CTIF: variants seen among roughly 807,000 people sequenced by gnomAD.
CTIF encodes cap binding complex dependent translation initiation factor.
In CTIF, 21 loss-of-function variants were observed where a neutral mutation model predicts 66.0. That is an observed-to-expected ratio of 0.32 (90% confidence interval 0.23 to 0.46). The LOEUF (loss-of-function observed/expected upper bound fraction) is 0.46, where lower values mean the gene tolerates loss of function less well. Among genes scored for constraint, CTIF ranks in the 20% least tolerant of loss-of-function variants. The probability of loss-of-function intolerance (pLI) is 1.00; values close to 1 mark genes in which losing one functional copy is unlikely to be tolerated. For missense variants in CTIF, 739 were observed against 812.7 expected (o/e 0.91, Z 1.10); for synonymous variants, 345 against 326.4 (o/e 1.06, Z -0.62).
chr18:48,548,871 C>T (rs2088817845), intron 1 of CTIF, among the ~76,000 whole-genome samples: 2 of 152,210 alleles, frequency 1.3e-5, no homozygotes. Context: ...CCCTGCTGCC[C>T]ATCTGCCCAT....
chr18:48,549,119 A>G (rs957315241), intron 1 of CTIF, among the ~76,000 whole-genome samples: 2 of 152,206 alleles, frequency 1.3e-5, no homozygotes, highest in African/African-American at 4.8e-5. Flanking sequence ...CACTATTATC[A>G]GACACTGTTA....
At chr18:48,730,694 TGAGGTGTGAGGG>T (rs2092446618) in intron 7 of CTIF, among the ~76,000 whole-genome samples, 2 of 44,082 alleles carry the variant, frequency 4.5e-5, no homozygotes, top group Admixed American at 2.5e-4. Context: ...GAGGAGCCCC[TGAGGTGTGAGGG>T]GCTTCCGCGG....
intron 9 of CTIF, among the ~76,000 whole-genome samples, chr18:48,812,095 T>G (rs796087411): frequency 1.1e-4 from 16 of 152,284 alleles, no homozygotes; most frequent in African/African-American, 3.9e-4. Context: ...CCCGAGTAGC[T>G]TGGATTACAG....
At chr18:48,603,761 C>T (rs2090150984) in intron 1 of CTIF, among the ~76,000 whole-genome samples, 1 of 151,918 alleles carries the variant, frequency 6.6e-6, no homozygotes, top group Admixed American at 6.6e-5. Flanking sequence ...CCATGAGATG[C>T]ATCCTCATCT....
chr18:48,770,639 G>A (rs1263005285), intron 9 of CTIF, among the ~76,000 whole-genome samples: 3 of 152,342 alleles, frequency 2.0e-5, no homozygotes, highest in Non-Finnish European at 2.9e-5. Flanking sequence ...GGTGTGGGTC[G>A]TGCCCCCGAA....
intron 10 of CTIF, among the ~76,000 whole-genome samples, chr18:48,853,958 G>A (rs555788510): frequency 5.9e-5 from 9 of 152,306 alleles, no homozygotes; most frequent in Non-Finnish European, 8.8e-5. Flanking sequence ...CCAGCTCTCC[G>A]TGAGTAAATG....
intron 1 of CTIF, among the ~76,000 whole-genome samples, chr18:48,616,459 C>T (rs2090401988): frequency 1.3e-5 from 2 of 152,164 alleles, no homozygotes; most frequent in African/African-American, 4.8e-5. Flanking sequence ...TGGAGGTGGC[C>T]TGAGGGACTG....
chr18:48,582,673 T>C (rs1010635686), intron 1 of CTIF, among the ~76,000 whole-genome samples: 7 of 151,718 alleles, frequency 4.6e-5, no homozygotes, highest in African/African-American at 1.7e-4. Flanking sequence ...GTGGTGGGAG[T>C]GCTTGCGGTA....
intron 10 of CTIF, among the ~76,000 whole-genome samples, chr18:48,821,714 T>G (rs770699100): frequency 1.3e-5 from 2 of 152,256 alleles, no homozygotes; most frequent in Non-Finnish European, 2.9e-5. Context: ...TTGAAGAAGA[T>G]TATTGGTCAT....
intron 6 of CTIF, among the ~76,000 whole-genome samples, chr18:48,709,747 G>A (rs2092203045): frequency 6.6e-6 from 1 of 152,194 alleles, no homozygotes; most frequent in South Asian, 2.1e-4. Flanking sequence ...TTCCTTATTT[G>A]TGTTTTGTAT....
At chr18:48,841,286 C>G (rs1358806448) in intron 10 of CTIF, among the ~76,000 whole-genome samples, 1 of 152,162 alleles carries the variant, frequency 6.6e-6, no homozygotes. Flanking sequence ...CTGGAGCGGC[C>G]CCTGGGCTCT....
intron 5 of CTIF, among the ~76,000 whole-genome samples, chr18:48,668,101 G>A (rs557371928): frequency 6.6e-6 from 1 of 152,318 alleles, no homozygotes; most frequent in Admixed American, 6.5e-5. Flanking sequence ...GGCCTCTGGG[G>A]AGATCTGAGC....
intron 6 of CTIF, among the ~76,000 whole-genome samples, chr18:48,707,686 C>T (rs1040226973): frequency 1.3e-5 from 2 of 152,114 alleles, no homozygotes; most frequent in Admixed American, 1.3e-4. Context: ...GAATACACCA[C>T]CCCCAGATAC....
intron 9 of CTIF, among the ~76,000 whole-genome samples, chr18:48,775,315 T>C (rs1412082867): frequency 6.6e-6 from 1 of 152,266 alleles, no homozygotes; most frequent in African/African-American, 2.4e-5. Flanking sequence ...AGACTCCTCC[T>C]CCAGGAGAAA....
chr18:48,542,190 A>G (rs920641402), intron 1 of CTIF, among the ~76,000 whole-genome samples: 7 of 152,244 alleles, frequency 4.6e-5, no homozygotes, highest in Non-Finnish European at 1.0e-4. Flanking sequence ...ATTACCACGC[A>G]TTTAATAATT....
chr18:48,738,287 C>G (rs1381478924), intron 7 of CTIF, among the ~76,000 whole-genome samples: 1 of 152,154 alleles, frequency 6.6e-6, no homozygotes, highest in Non-Finnish European at 1.5e-5. Context: ...CGGGATTACT[C>G]CTATAACATT....
intron 3 of CTIF, among the ~76,000 whole-genome samples, chr18:48,650,021 G>T (rs186931239): frequency 6.6e-6 from 1 of 152,366 alleles, no homozygotes; most frequent in East Asian, 1.9e-4. Flanking sequence ...AAGATAGGGA[G>T]AAACCAGAGC....
chr18:48,848,177 G>A (rs1052864093), intron 10 of CTIF, among the ~76,000 whole-genome samples: 2 of 152,144 alleles, frequency 1.3e-5, no homozygotes, highest in African/African-American at 2.4e-5. Flanking sequence ...CCGCCACCAC[G>A]GCCTTTACCC....
intron 7 of CTIF, among the ~76,000 whole-genome samples, chr18:48,738,345 C>T (rs907453530): frequency 8.5e-5 from 13 of 152,094 alleles, no homozygotes; most frequent in Admixed American, 6.5e-4. Context: ...AGCTCAGAAC[C>T]CTCCAGTGGT....
Sources: allele counts gnomAD v4.1 joint callset (sites outside exome capture counted in the v4.1 genomes callset), GRCh38; gene constraint gnomAD v4.1.1; transcripts MANE v1.5; gene names NCBI Gene and HGNC (gene_info 2026-07-23, HGNC 2026-07-21).